CREB1: variants seen among roughly 807,000 people sequenced by gnomAD.
CREB1 encodes cAMP responsive element binding protein 1, also known as cyclic AMP-responsive element-binding protein 1.
CREB1 carries 2 observed loss-of-function variants against 42.0 expected under a neutral mutation model. The observed-to-expected ratio is 0.05, with a 90% CI of 0.02 to 0.15. CREB1 has a LOEUF of 0.15. CREB1 is among the 10% of genes least tolerant of loss of function. The pLI is 1.00. For synonymous variants in CREB1, 123 were observed against 139.9 expected (o/e 0.88, Z 0.85); for missense variants, 199 against 388.9 (o/e 0.51, Z 4.11).
chr2:207,554,068 G>A (rs2081620707), intron 1 of CREB1, among the ~76,000 whole-genome samples: 1 of 152,100 alleles, frequency 6.6e-6, no homozygotes, highest in Admixed American at 6.5e-5. Flanking sequence ...AGTGAATACT[G>A]TTGAGCTACA....
chr2:207,563,979 A>C (rs969139136), intron 3 of CREB1, among the ~76,000 whole-genome samples: 4 of 152,158 alleles, frequency 2.6e-5, no homozygotes, highest in African/African-American at 9.7e-5. Flanking sequence ...TTAATGAAGC[A>C]TATTATGTCA....
rs1008221032 is a variant in CREB1, at chr2:207,603,946, C to T, written c.*6888C>T. Among the ~76,000 whole-genome samples, 1 of 152,188 alleles carries T rather than the reference C, an allele frequency of 6.6e-6. No homozygotes were observed. Among genetic ancestry groups the T allele is most frequent in the African/African-American group, 2.4e-5 (1 of 41,450 alleles). On this transcript the variant is annotated 3_prime_UTR_variant, in exon 8 of 8. Coordinates refer to ENST00000353267, the MANE Select transcript of CREB1 (RefSeq NM_004379.5). The stretch of plus-strand genomic sequence containing the variant: ...GCTGCATTATTTGTATGTTTCTTCA[C>T]TGCCAAGATGTGTTCAAGCCTGCTA...
intron 3 of CREB1, among the ~76,000 whole-genome samples, chr2:207,564,144 C>G (rs946472998): frequency 6.6e-6 from 1 of 151,902 alleles, no homozygotes; most frequent in East Asian, 1.9e-4. Context: ...TAAAATTTTT[C>G]TTATTTATAA....
chr2:207,548,620 G>A (rs1463967691), intron 1 of CREB1, among the ~76,000 whole-genome samples: 1 of 151,966 alleles, frequency 6.6e-6, no homozygotes, highest in African/African-American at 2.4e-5. Flanking sequence ...GTGTGGTGGT[G>A]CACATCTGTA....
At chr2:207,587,189 C>T (rs1225848513) in intron 7 of CREB1, among the ~76,000 whole-genome samples, 1 of 152,048 alleles carries the variant, frequency 6.6e-6, no homozygotes, top group East Asian at 1.9e-4. Context: ...GTCAGGAGAT[C>T]GAGACCATCC....
Position 207,598,433 on chromosome 2 carries a change from TTTAA to T in CREB1, c.*1378_*1381del, listed in dbSNP as rs1446360153. 5.5e-6 allele frequency: 1 copy of T among 183,030 alleles called. No homozygotes were observed. Among genetic ancestry groups the T allele is most frequent in the East Asian group, 9.0e-5 (1 of 11,166 alleles). 11.3% of individuals were successfully genotyped at this position (183,030 alleles called of 1,614,324 possible). On this transcript the variant is annotated 3_prime_UTR_variant, in exon 8 of 8. Coordinates refer to ENST00000353267, the MANE Select transcript of CREB1 (RefSeq NM_004379.5). ...ATCATACATTGTTTTCAATACCACT[TTTAA>T]TTGTTACTCATTTTATTCACTAAGC... is the stretch of plus-strand genomic sequence containing the variant.
At chr2:207,555,011 A>T (rs1574820591) in intron 1 of CREB1, among the ~76,000 whole-genome samples, 1 of 152,130 alleles carries the variant, frequency 6.6e-6, no homozygotes, top group Non-Finnish European at 1.5e-5. Flanking sequence ...TGAGGTTGAG[A>T]TTGAGATGAA....
chr2:207,580,509 A>G lies in CREB1; in HGVS notation c.839+2854A>G, dbSNP rs564561230. ...TTTGGTTTCCTCTTCTAGTGTGGCT[A>G]TTTCAGTGGAAAAGTTAAGAGAAGC... On this transcript the variant is annotated intron_variant, in intron 7 of 7. Transcript: ENST00000353267. The G allele has an allele frequency of 1.8e-5, 4 of 217,700 alleles. 1 individual carries two copies. In the South Asian group the frequency reaches 7.4e-4, roughly 40 times the overall value. 13.5% of individuals were successfully genotyped at this position (217,700 alleles called of 1,614,324 possible).
chr2:207,597,085 A>ATAAC lies in CREB1; in HGVS notation c.*27_*28insTAAC, dbSNP rs2086303820. 1 of 1,580,260 alleles carries ATAAC rather than the reference A, an allele frequency of 6.3e-7. No individual in the cohort carries two copies. Among genetic ancestry groups the ATAAC allele is most frequent in the African/African-American group, 1.4e-5 (1 of 72,562 alleles). ...TTGGGATTTAAATTTTCACCTGTTA[A>ATAAC]GGTGGAAAATGGACTGGCTTGGCCA... On this transcript the variant is annotated 3_prime_UTR_variant, in exon 8 of 8. Transcript: ENST00000353267.
intron 1 of CREB1, among the ~76,000 whole-genome samples, chr2:207,539,163 CCCA>C: frequency 1.3e-5 from 2 of 151,540 alleles, no homozygotes; most frequent in South Asian, 4.2e-4. Flanking sequence ...GCCCCAGCCT[CCCA>C]AGTAGCTGGG....
intron 1 of CREB1, among the ~76,000 whole-genome samples, chr2:207,544,547 G>T (rs919159981): frequency 3.3e-5 from 5 of 152,150 alleles, no homozygotes; most frequent in African/African-American, 1.2e-4. Context: ...TTGAGAGAAA[G>T]GTTCTTTTTT....
chr2:207,532,773 C>T, intron 1 of CREB1, among the ~76,000 whole-genome samples: 1 of 151,244 alleles, frequency 6.6e-6, no homozygotes, highest in East Asian at 1.9e-4. Flanking sequence ...TTTTTTGAGA[C>T]GGAGTTTGGC....
intron 1 of CREB1, among the ~76,000 whole-genome samples, chr2:207,538,565 A>G (rs906225557): frequency 6.6e-6 from 1 of 152,216 alleles, no homozygotes; most frequent in Admixed American, 6.5e-5. Context: ...TAGGATCTCT[A>G]AAAAATAATC....
intron 2 of CREB1, chr2:207,559,156 T>C (rs1436217725): frequency 5.7e-6 from 1 of 176,626 alleles, no homozygotes; most frequent in South Asian, 1.9e-4. Context: ...TGTGCACCAT[T>C]GGTGCTGAGC....
intron 3 of CREB1, among the ~76,000 whole-genome samples, 154 bp from the exon 4 acceptor site, chr2:207,567,309 G>A (rs1488136597): frequency 6.6e-6 from 1 of 152,130 alleles, no homozygotes; most frequent in Non-Finnish European, 1.5e-5. Flanking sequence ...GTAAAGGGAA[G>A]GGGAAAGTGA....
Position 207,598,722 on chromosome 2 carries a change from C to G in CREB1, c.*1664C>G, listed in dbSNP as rs2086579871. On this transcript the variant is annotated 3_prime_UTR_variant, in exon 8 of 8. Transcript: ENST00000353267. The stretch of plus-strand genomic sequence containing the variant: ...ATTAGCCAGGCGTGGTGGCTGGCGC[C>G]TGTAATCCCAGCTACTCAGGAGGTT... 6.1e-6 allele frequency: 1 copy of G among 164,516 alleles called. No homozygotes were observed. The highest frequency in any genetic ancestry group is 2.4e-5 in the African/African-American group (1 of 41,828). 10.2% of individuals were successfully genotyped at this position (164,516 alleles called of 1,614,324 possible). A position where few individuals can be genotyped will look rare whatever the true frequency, so the allele number is the denominator to read the frequency against.
In CREB1 at chr2:207,604,097, G is replaced by T. The variant is rs1412472156; in HGVS notation, c.*7039G>T. The stretch of plus-strand genomic sequence containing the variant: ...TAATTACATGAGGGACAATAGGCAT[G>T]AACTAGGATTGTTCTAAGCAAATCG... On this transcript the variant is annotated 3_prime_UTR_variant, in exon 8 of 8. Coordinates refer to ENST00000353267, the MANE Select transcript of CREB1 (RefSeq NM_004379.5). Among the ~76,000 whole-genome samples the T allele has an allele frequency of 6.6e-6, 1 of 152,190 alleles. No individual in the cohort carries two copies. The highest frequency in any genetic ancestry group is 1.5e-5 in the Non-Finnish European group (1 of 68,040).
In CREB1 at chr2:207,595,502, C is replaced by A. The variant is rs77706942; in HGVS notation, c.840-1412C>A. ...GTGGCATGATCATGGCTCACTGCAG[C>A]CTCGACCTCCCGGCCTCCAACCTCA... On this transcript the variant is annotated intron_variant, in intron 7 of 7. Coordinates refer to ENST00000353267, the MANE Select transcript of CREB1 (RefSeq NM_004379.5). Among the ~76,000 whole-genome samples, 131 of 152,088 alleles carry A rather than the reference C, an allele frequency of 8.6e-4. 5 individuals carry two copies. The East Asian group carries it at 0.021, about 24-fold the overall frequency.
intron 7 of CREB1, among the ~76,000 whole-genome samples, chr2:207,587,374 C>T (rs1368595385): frequency 6.9e-6 from 1 of 145,868 alleles, no homozygotes; most frequent in Non-Finnish European, 1.5e-5. Context: ...GCCTGGGTGA[C>T]GGAACGAGAC....
Sources: gnomAD v4.1 joint callset for allele counts (sites outside exome capture counted in the v4.1 genomes callset) on GRCh38, gnomAD v4.1.1 for gene constraint, MANE v1.5 for transcripts, NCBI Gene and HGNC (gene_info 2026-07-23, HGNC 2026-07-21) for gene names.